The following ALDH1L1 variants were observed in gnomAD, a reference collection of about 807,000 sequenced individuals.
ALDH1L1 encodes cytosolic 10-formyltetrahydrofolate dehydrogenase.
Under a neutral mutation model 101.1 loss-of-function variants are expected in ALDH1L1, and 68 were observed. That is an observed-to-expected ratio of 0.67 (90% CI 0.55 to 0.82). The LOEUF (loss-of-function observed/expected upper bound fraction) is 0.82. ALDH1L1 is among the 40% of genes least tolerant of loss of function. The pLI is 0.00. For synonymous variants in ALDH1L1, 486 were observed against 470.8 expected (o/e 1.03, Z -0.42); for missense variants, 1,087 against 1,172.7 (o/e 0.93, Z 1.07).
At chr3:126,167,940 T>C (rs759123711) in intron 1 of ALDH1L1, among the ~76,000 whole-genome samples, 17 of 152,172 alleles carry the variant, frequency 1.1e-4, no homozygotes, top group Non-Finnish European at 2.4e-4. Context: ...ACTTAACACA[T>C]TTTACCTTAA....
At chr3:126,115,068 G>C (rs922198346) in intron 17 of ALDH1L1, 1 of 456,970 alleles carries the variant, frequency 2.2e-6, no homozygotes, top group Non-Finnish European at 4.4e-6. Context: ...GGGCAGGCAC[G>C]CATCTGTCTG....
chr3:126,163,574 A>G (rs1409131477), intron 1 of ALDH1L1, among the ~76,000 whole-genome samples: 2 of 152,236 alleles, frequency 1.3e-5, no homozygotes, highest in Non-Finnish European at 2.9e-5. Context: ...ATTTTGGTAG[A>G]TAGACTAGCA....
At chr3:126,146,070 A>C (rs976335444) in intron 9 of ALDH1L1, among the ~76,000 whole-genome samples, 1 of 152,138 alleles carries the variant, frequency 6.6e-6, no homozygotes, top group Non-Finnish European at 1.5e-5. Context: ...CATAGGCCCA[A>C]CTCAGCCCAC....
chr3:126,146,760 T>G, intron 9 of ALDH1L1, 75 bp downstream of exon 9: 1 of 1,507,204 alleles, frequency 6.6e-7, no homozygotes, highest in East Asian at 2.3e-5. Context: ...GGTTGTTTCC[T>G]GCTGCTCAGT....
intron 17 of ALDH1L1, among the ~76,000 whole-genome samples, chr3:126,117,456 A>C (rs2079993656): frequency 6.6e-6 from 1 of 151,896 alleles, no homozygotes; most frequent in Non-Finnish European, 1.5e-5. Context: ...GGAGTTTGAG[A>C]CCAGTCTGGG....
intron 17 of ALDH1L1, chr3:126,114,986 C>G: frequency 2.1e-6 from 1 of 471,220 alleles, no homozygotes; most frequent in South Asian, 1.5e-5. Context: ...CCTGCCTGTG[C>G]ACCCCATCTG....
chr3:126,115,482 CTCT>C (rs939012865), intron 17 of ALDH1L1: 3 of 144,770 alleles, frequency 2.1e-5, no homozygotes, highest in African/African-American at 7.6e-5. Context: ...CTCTGCTTTG[CTCT>C]TCTTTTTTTT....
chr3:126,131,816 G>A (rs558812002), intron 12 of ALDH1L1, among the ~76,000 whole-genome samples: 37 of 152,310 alleles, frequency 2.4e-4, no homozygotes, highest in African/African-American at 7.2e-4. Context: ...CTATTCCTCC[G>A]AAATTATCCT....
chr3:126,127,681 C>T (rs180986817), intron 14 of ALDH1L1, among the ~76,000 whole-genome samples: 6 of 152,154 alleles, frequency 3.9e-5, no homozygotes, highest in Admixed American at 1.3e-4. Flanking sequence ...GCTGAGGTTG[C>T]GGTGGCACTG....
At position 126,157,511 on chromosome 3, in the gene ALDH1L1, A is replaced by G; in HGVS notation, c.363-3T>C. On this transcript the variant is annotated splice_polypyrimidine_tract_variant and splice_region_variant and intron_variant, in intron 3 of 22. Transcript: ENST00000393434. ...TCTTATCTCCGTGAATGAGGGTCCT[A>G]GGAAGCAGAAGAGTGAAACCTGGAG... The G allele has an allele frequency of 1.2e-6, 2 of 1,612,972 alleles. No individual in the cohort carries two copies. The highest frequency in any genetic ancestry group is 1.1e-5 in the South Asian group (1 of 90,974).
At chr3:126,114,804 C>CCCCCCCG in intron 17 of ALDH1L1, 148 bp from the exon 18 acceptor site, 1 of 731,514 alleles carries the variant, frequency 1.4e-6, no homozygotes, top group Non-Finnish European at 2.4e-6. Flanking sequence ...CCCCCCCACC[C>CCCCCCCG]CTTGCGGCTT....
At chr3:126,137,017 G>C in intron 10 of ALDH1L1, 134 bp from the exon 11 acceptor site, 1 of 1,292,386 alleles carries the variant, frequency 7.7e-7, no homozygotes. Flanking sequence ...GGCAACAGCT[G>C]AGCAGGGGAG....
intron 3 of ALDH1L1, 121 bp downstream of exon 3, chr3:126,158,284 G>C: frequency 1.0e-6 from 1 of 952,970 alleles, no homozygotes; most frequent in Non-Finnish European, 1.6e-6. Context: ...CCACAGGACA[G>C]GCACCTGCAC....
chr3:126,145,615 G>T (rs1000785451), intron 9 of ALDH1L1, among the ~76,000 whole-genome samples: 1 of 152,214 alleles, frequency 6.6e-6, no homozygotes, highest in Non-Finnish European at 1.5e-5. Flanking sequence ...CCACTTGTAT[G>T]AAGTACTAGA....
chr3:126,158,611 CG>C lies in ALDH1L1; in HGVS notation c.155del (p.Pro52ArgfsTer43). 1 of 1,613,464 alleles carries C rather than the reference CG, an allele frequency of 6.2e-7. No homozygotes were observed. Among genetic ancestry groups the C allele is most frequent in the Non-Finnish European group, 8.5e-7 (1 of 1,179,426 alleles). On this transcript the variant is annotated frameshift_variant, in exon 3 of 23. Coordinates refer to ENST00000393434, the MANE Select transcript of ALDH1L1 (RefSeq NM_012190.4). LOFTEE classifies it high-confidence loss of function. ...LGLEAEKDGV[P>X]VFKYSRWRAK... ...CACGCCACCGGGAGTACTTGAATAC[CG>C]GCACTCCATCCTTCTCAGCTTCCAG...
chr3:126,114,598 T>C lies in ALDH1L1; in HGVS notation c.2041A>G (p.Ile681Val), dbSNP rs1259135014. Residue 681 changes from isoleucine (I) to valine (V), a missense_variant, in exon 18 of 23, where the codon ATC becomes GTC. Around this residue, in one of 2 missense-constraint regions of ALDH1L1, gnomAD observed 442 missense variants for 535.7 expected, o/e 0.83. Coordinates refer to ENST00000393434, the MANE Select transcript of ALDH1L1 (RefSeq NM_012190.4). ...SLELGGKSPL[I>V]IFADCDLNKA... ...TTGAGGTCACAGTCAGCAAAGATGA[T>C]GAGGGGTGACTTCCCGCCCAGTTCC... 1.3e-6 allele frequency: 2 copies of C among 1,511,698 alleles called. No individual in the cohort carries two copies. The highest frequency in any genetic ancestry group is 1.8e-6 in the Non-Finnish European group (2 of 1,130,016). 93.6% of individuals were successfully genotyped at this position (1,511,698 alleles called of 1,614,324 possible).
chr3:126,118,614 C>A (rs923221542), intron 16 of ALDH1L1, among the ~76,000 whole-genome samples: 78 of 152,168 alleles, frequency 5.1e-4, no homozygotes, highest in African/African-American at 1.9e-3. Context: ...GACATGGTAG[C>A]CCAAGCAAAT....
intron 16 of ALDH1L1, among the ~76,000 whole-genome samples, chr3:126,122,363 G>A (rs1393355622): frequency 6.6e-6 from 1 of 152,130 alleles, no homozygotes; most frequent in Non-Finnish European, 1.5e-5. Flanking sequence ...ATACATAATT[G>A]TATAATTGTG....
chr3:126,156,649 A>C (rs984508484), intron 4 of ALDH1L1: 3 of 152,298 alleles, frequency 2.0e-5, no homozygotes, highest in Non-Finnish European at 4.4e-5. Context: ...GCCTCTCAGC[A>C]GTACCAGCTG....
Sources: gnomAD v4.1 joint callset for allele counts (sites outside exome capture counted in the v4.1 genomes callset) on GRCh38, gnomAD v4.1.1 for gene constraint, gnomAD v4.1.1 regional missense constraint, MANE v1.5 for transcripts, NCBI Gene and HGNC (gene_info 2026-07-23, HGNC 2026-07-21) for gene names.